Variants in RPS6KA5 observed in about 807,000 individuals in gnomAD.
RPS6KA5 encodes ribosomal protein S6 kinase A5.
A neutral mutation model predicts 85.5 loss-of-function variants in RPS6KA5; 27 were observed. The observed-to-expected ratio is 0.32, with a 90% CI of 0.23 to 0.44. The LOEUF (loss-of-function observed/expected upper bound fraction) is 0.44, where lower values mean the gene tolerates loss of function less well. Ranked by LOEUF, RPS6KA5 falls within the 20% of genes least tolerant of loss-of-function variation. RPS6KA5 has a pLI of 1.00. For missense variants in RPS6KA5, 811 were observed against 980.9 expected (o/e 0.83, Z 2.31); for synonymous variants, 334 against 348.2 (o/e 0.96, Z 0.46).
chr14:91,055,800 G>A (rs2043288868), intron 1 of RPS6KA5, among the ~76,000 whole-genome samples: 2 of 152,142 alleles, frequency 1.3e-5, no homozygotes, highest in Admixed American at 1.3e-4. Flanking sequence ...AAAAGACATG[G>A]CATGGTAGGT....
intron 3 of RPS6KA5, among the ~76,000 whole-genome samples, chr14:90,957,881 C>T (rs141589033): frequency 1.1e-4 from 17 of 151,630 alleles, no homozygotes; most frequent in African/African-American, 3.4e-4. Flanking sequence ...GTGACTCATG[C>T]ATGAAATCTC....
chr14:91,013,293 C>T (rs1730006811), intron 1 of RPS6KA5, among the ~76,000 whole-genome samples: 1 of 152,204 alleles, frequency 6.6e-6, no homozygotes, highest in Non-Finnish European at 1.5e-5. Flanking sequence ...CAGACATACT[C>T]CCTGACCCCA....
intron 14 of RPS6KA5, among the ~76,000 whole-genome samples, chr14:90,881,963 A>G (rs2033870708): frequency 6.6e-6 from 1 of 152,188 alleles, no homozygotes; most frequent in Non-Finnish European, 1.5e-5. Context: ...TTAGAGTTTA[A>G]TCCATTTGCA....
At position 90,947,424 on chromosome 14, in the gene RPS6KA5, A is replaced by C. The variant is rs373324916; in HGVS notation, c.510+11T>G. 8 of 1,464,484 alleles carry C rather than the reference A, an allele frequency of 5.5e-6. No individual in the cohort carries two copies. In the African/African-American group the frequency reaches 1.1e-4, roughly 21 times the overall value. 90.7% of individuals were successfully genotyped at this position (1,464,484 alleles called of 1,614,324 possible). On this transcript the variant is annotated intron_variant, in intron 4 of 16. Coordinates refer to ENST00000614987, the MANE Select transcript of RPS6KA5 (RefSeq NM_004755.4). ...CTTCAGAAAAGAAACCTGAAAAATG[A>C]AGAGTCTTACCTTGTGGAGATGTTC...
chr14:90,860,995 G>T lies in RPS6KA5; in HGVS notation c.*11079C>A, dbSNP rs2032519360. The T allele has an allele frequency of 6.7e-6, 1 of 150,104 alleles. No individual in the cohort carries two copies. Among genetic ancestry groups the T allele is most frequent in the Admixed American group, 6.6e-5 (1 of 15,038 alleles). The allele number at this position is 150,104 out of a possible 1,614,324, so 9.3% of individuals were successfully genotyped here. A position where few individuals can be genotyped will look rare whatever the true frequency, so the allele number is the denominator to read the frequency against. ...CAACCTCCCTCTTCCGGGTTCAAGC[G>T]TTTCTCCTGCCTCAGCCTCCCAAGT... On this transcript the variant is annotated 3_prime_UTR_variant, in exon 17 of 17. Transcript: ENST00000614987.
At chr14:90,954,406 GT>G (rs1456906038) in intron 3 of RPS6KA5, among the ~76,000 whole-genome samples, 1 of 151,980 alleles carries the variant, frequency 6.6e-6, no homozygotes, top group Non-Finnish European at 1.5e-5. Context: ...AGTTTTGTTT[GT>G]TTTTTGTTTC....
chr14:90,865,120 ATCAAGGC>A lies in RPS6KA5; in HGVS notation c.*6947_*6953del. 6.6e-6 allele frequency: 1 copy of A among 152,282 alleles called. No homozygotes were observed. Among genetic ancestry groups the A allele is most frequent in the East Asian group, 1.9e-4 (1 of 5,188 alleles). 9.4% of individuals were successfully genotyped at this position (152,282 alleles called of 1,614,324 possible). Reference sequence around the variant, plus strand: ...GCCCAGGATGGAATGTAGTGGTGCGATCAAGGCTCACTGCAGCCAGCTGTTTCACTTT... The same window carrying A: ...GCCCAGGATGGAATGTAGTGGTGCGATCACTGCAGCCAGCTGTTTCACTTT... On this transcript the variant is annotated 3_prime_UTR_variant, in exon 17 of 17. Transcript: ENST00000614987.
chr14:91,052,553 G>A lies in RPS6KA5; in HGVS notation c.103+7779C>T, dbSNP rs566312651. ...ATAGATAAGATCTTTAGGCAAGCGC[G>A]GTGGCTCAAGCCTGTAATCCCAGTA... On this transcript the variant is annotated intron_variant, in intron 1 of 16. Transcript: ENST00000614987. 2.4e-4 allele frequency: 45 copies of A among 189,310 alleles called. 1 individual carries two copies. The highest frequency in any genetic ancestry group is 4.2e-3 in the Middle Eastern group (2 of 478). 11.7% of individuals were successfully genotyped at this position (189,310 alleles called of 1,614,324 possible). A position where few individuals can be genotyped will look rare whatever the true frequency, so the allele number is the denominator to read the frequency against.
chr14:90,974,045 A>AAAAAAAG, intron 3 of RPS6KA5, among the ~76,000 whole-genome samples: 1 of 151,016 alleles, frequency 6.6e-6, no homozygotes. Flanking sequence ...CTCAAAAAAA[A>AAAAAAAG]AAAAAAAAAA....
rs1207684259 is a variant in RPS6KA5 at position 90,863,611 on chromosome 14, T to TAC, written c.*8461_*8462dup. On this transcript the variant is annotated 3_prime_UTR_variant, in exon 17 of 17. Transcript: ENST00000614987. ...AAGGTTTCTAAGTGAAAGGGTAATA[T>TAC]ACCAAAAAAACTATATTTCTATAAA... 1.3e-5 allele frequency: 2 copies of TAC among 151,942 alleles called. No individual in the cohort carries two copies. The highest frequency in any genetic ancestry group is 2.9e-5 in the Non-Finnish European group (2 of 67,974). 9.4% of individuals were successfully genotyped at this position (151,942 alleles called of 1,614,324 possible).
At chr14:90,901,005 A>G (rs1412629067) in intron 9 of RPS6KA5, among the ~76,000 whole-genome samples, 1 of 152,234 alleles carries the variant, frequency 6.6e-6, no homozygotes, top group African/African-American at 2.4e-5. Context: ...TTCCACCCCC[A>G]AAATCAGACT....
chr14:91,004,496 T>C (rs1398856863), intron 1 of RPS6KA5, among the ~76,000 whole-genome samples: 1 of 152,228 alleles, frequency 6.6e-6, no homozygotes, highest in Non-Finnish European at 1.5e-5. Context: ...CTTTGGTTCT[T>C]GTCTTTGCTC....
At chr14:90,947,591 A>C in intron 3 of RPS6KA5, 41 bp from the exon 4 acceptor site, 1 of 1,155,524 alleles carries the variant, frequency 8.7e-7, no homozygotes, top group Non-Finnish European at 1.3e-6. Flanking sequence ...ACATGCATTC[A>C]TAAATGAAAA....
chr14:90,982,805 C>T (rs1024415418), intron 2 of RPS6KA5, among the ~76,000 whole-genome samples: 2 of 151,964 alleles, frequency 1.3e-5, no homozygotes, highest in Non-Finnish European at 2.9e-5. Flanking sequence ...ATGGTGAAAC[C>T]CCGTCTCTAC....
chr14:90,849,316 C>T lies in RPS6KA5; in HGVS notation c.*22758G>A, dbSNP rs1378926928. ...AAAGTTTTGGCCAGAGATGAACACG[C>T]ACCCATATGTCTGAAGACAAAAGTT... On this transcript the variant is annotated 3_prime_UTR_variant, in exon 17 of 17. Coordinates refer to ENST00000614987, the MANE Select transcript of RPS6KA5 (RefSeq NM_004755.4). The T allele has an allele frequency of 6.6e-6, 1 of 152,216 alleles. No homozygotes were observed. The highest frequency in any genetic ancestry group is 6.5e-5 in the Admixed American group (1 of 15,286). The allele number at this position is 152,216 out of a possible 1,614,324, so 9.4% of individuals were successfully genotyped here.
rs564785060 is a variant in RPS6KA5, at chr14:90,859,537, C to T, written c.*12537G>A. ...AAAGTGTCATGGATATTTTAGAATC[C>T]AAAATATAAGATATACAACTAAATT... On this transcript the variant is annotated 3_prime_UTR_variant, in exon 17 of 17. Transcript: ENST00000614987. 6.6e-6 allele frequency: 1 copy of T among 152,132 alleles called. No individual in the cohort carries two copies. Among genetic ancestry groups the T allele is most frequent in the East Asian group, 1.9e-4 (1 of 5,186 alleles). 9.4% of individuals were successfully genotyped at this position (152,132 alleles called of 1,614,324 possible). A position where few individuals can be genotyped will look rare whatever the true frequency, so the allele number is the denominator to read the frequency against.
At chr14:91,045,796 T>C (rs987299008) in intron 1 of RPS6KA5, among the ~76,000 whole-genome samples, 19 of 152,304 alleles carry the variant, frequency 1.2e-4, no homozygotes, top group African/African-American at 4.1e-4. Flanking sequence ...TGGCTTCACA[T>C]GACACTCAAT....
In RPS6KA5 at chr14:90,848,737, G is replaced by C. The variant is rs1408989971; in HGVS notation, c.*23337C>G. 1 of 152,136 alleles carries C rather than the reference G, an allele frequency of 6.6e-6. No individual in the cohort carries two copies. The highest frequency in any genetic ancestry group is 1.5e-5 in the Non-Finnish European group (1 of 68,018). The allele number at this position is 152,136 out of a possible 1,614,324, so 9.4% of individuals were successfully genotyped here. On this transcript the variant is annotated 3_prime_UTR_variant, in exon 17 of 17. Coordinates refer to ENST00000614987, the MANE Select transcript of RPS6KA5 (RefSeq NM_004755.4). ...GAGTGACTTGCAAAGGTTTGCCCCA[G>C]AAGGGCTTTTTAAAGAGGCTAAAGA... is the stretch of plus-strand genomic sequence containing the variant.
intron 13 of RPS6KA5, among the ~76,000 whole-genome samples, chr14:90,893,598 A>G (rs2034674832): frequency 6.6e-6 from 1 of 152,132 alleles, no homozygotes; most frequent in Non-Finnish European, 1.5e-5. Flanking sequence ...ACATCAAATA[A>G]TATTTTATAT....
Sources: allele counts gnomAD v4.1 joint callset (sites outside exome capture counted in the v4.1 genomes callset), GRCh38; gene constraint gnomAD v4.1.1; transcripts MANE v1.5; gene names NCBI Gene and HGNC (gene_info 2026-07-23, HGNC 2026-07-21).